Variants in ITK observed in about 807,000 individuals in gnomAD.
ITK encodes the protein tyrosine-protein kinase ITK/TSK.
A neutral mutation model predicts 87.6 loss-of-function variants in ITK; 45 were observed. The observed-to-expected ratio is 0.51, with a 90% CI of 0.40 to 0.66. The LOEUF (loss-of-function observed/expected upper bound fraction) is 0.66. Ranked by LOEUF, ITK falls within the 30% of genes least tolerant of loss-of-function variation. The pLI is 0.00. For synonymous variants in ITK, 303 were observed against 273.6 expected, an observed-to-expected ratio of 1.11 and a Z score of -1.06; for missense variants, 605 against 766.3, an observed-to-expected ratio of 0.79 and a Z score of 2.48.
intron 15 of ITK, among the ~76,000 whole-genome samples, 198 bp downstream of exon 15, chr5:157,246,197 C>T (rs1276760426): frequency 6.6e-6 from 1 of 152,144 alleles, no homozygotes; most frequent in African/African-American, 2.4e-5. Flanking sequence ...AGATACTGGA[C>T]ATGGTGGTGG....
chr5:157,196,457 C>T (rs914563806), intron 1 of ITK, among the ~76,000 whole-genome samples: 1 of 152,018 alleles, frequency 6.6e-6, no homozygotes, highest in Admixed American at 6.6e-5. Context: ...AAATATATTC[C>T]TTTTGTTCAT....
chr5:157,247,136 G>T (rs983853641), intron 15 of ITK, among the ~76,000 whole-genome samples: 1 of 152,190 alleles, frequency 6.6e-6, no homozygotes, highest in African/African-American at 2.4e-5. Flanking sequence ...TAGAAACCAG[G>T]GGGGAGTTTG....
intron 5 of ITK, among the ~76,000 whole-genome samples, chr5:157,218,275 T>A (rs1754340012): frequency 6.6e-6 from 1 of 152,044 alleles, no homozygotes; most frequent in African/African-American, 2.4e-5. Flanking sequence ...GAGGCCAAAG[T>A]GGGAGGATCG....
Position 157,181,006 on chromosome 5 carries a change from A to C in ITK, c.29A>C (p.Gln10Pro). The change falls in exon 1 of 17, where the codon CAG becomes CCG. Residue 10 changes from glutamine to proline, a missense_variant. Gln to Pro is a moderately conservative substitution (Grantham distance 76, BLOSUM62 -1). Coordinates refer to ENST00000422843, the MANE Select transcript of ITK (RefSeq NM_005546.4). Reference sequence around the variant, plus strand: ...AACAACTTTATCCTCCTGGAAGAACAGCTCATCAAGAAATCCCAACAAAAG... The same window carrying C: ...AACAACTTTATCCTCCTGGAAGAACCGCTCATCAAGAAATCCCAACAAAAG... MNNFILLEE[Q>P]LIKKSQQKRR... 6.2e-7 allele frequency: 1 copy of C among 1,613,976 alleles called. No individual in the cohort carries two copies. Among genetic ancestry groups the C allele is most frequent in the African/African-American group, 1.3e-5 (1 of 75,040 alleles).
At position 157,238,062 on chromosome 5, in the gene ITK, C is replaced by T. The variant is rs761415992; in HGVS notation, c.769-47C>T. ...AGAAAGTGGAGCTGGAGGCATAAGC[C>T]TGGTTTCCTGAGATCACTAACTTTC... On this transcript the variant is annotated intron_variant, in intron 8 of 16. Transcript: ENST00000422843. 4.2e-6 allele frequency: 6 copies of T among 1,444,482 alleles called. No homozygotes were observed. In the Admixed American group the frequency reaches 1.0e-4, roughly 24 times the overall value. The allele number at this position is 1,444,482 out of a possible 1,614,324, so 89.5% of individuals were successfully genotyped here.
At chr5:157,214,755 C>T (rs1434884417) in intron 4 of ITK, among the ~76,000 whole-genome samples, 1 of 152,134 alleles carries the variant, frequency 6.6e-6, no homozygotes, top group Non-Finnish European at 1.5e-5. Context: ...ATATTTATGT[C>T]TTACAGTGAC....
At chr5:157,234,244 A>T (rs1483154977) in intron 8 of ITK, among the ~76,000 whole-genome samples, 1 of 151,808 alleles carries the variant, frequency 6.6e-6, no homozygotes, top group African/African-American at 2.4e-5. Context: ...GGCCTCCCAG[A>T]GTGCTGGGAT....
Position 157,238,330 on chromosome 5 carries a change from G to A in ITK, c.851+139G>A, listed in dbSNP as rs1030045561. ...GGTCTGTTTTCCCTCTTTACTCCGA[G>A]AAAACCAAAGCCATGGAGATCAAGG... On this transcript the variant is annotated intron_variant, in intron 9 of 16. Coordinates refer to ENST00000422843, the MANE Select transcript of ITK (RefSeq NM_005546.4). 4.1e-6 allele frequency: 3 copies of A among 723,224 alleles called. No homozygotes were observed. The African/African-American group carries it at 5.2e-5, about 13-fold the overall frequency. 44.8% of individuals were successfully genotyped at this position (723,224 alleles called of 1,614,324 possible).
intron 10 of ITK, chr5:157,240,941 CT>C (rs35181977): frequency 0.22 from 31,144 of 138,904 alleles, 3,696 homozygotes; most frequent in African/African-American, 0.36. Context: ...TCTTTTCTTT[CT>C]TTTTTTTTTT....
intron 3 of ITK, among the ~76,000 whole-genome samples, chr5:157,212,810 G>A (rs1046109678): frequency 5.3e-5 from 8 of 151,656 alleles, no homozygotes; most frequent in Middle Eastern, 3.4e-3. Flanking sequence ...CAAGTGAGCC[G>A]AGCCTGGGTC....
intron 6 of ITK, among the ~76,000 whole-genome samples, chr5:157,224,696 G>A (rs1019318464): frequency 2.6e-5 from 4 of 152,002 alleles, no homozygotes; most frequent in African/African-American, 4.8e-5. Flanking sequence ...CAGGAGAATC[G>A]CTTGAACCTG....
intron 1 of ITK, among the ~76,000 whole-genome samples, chr5:157,189,517 T>C (rs1753710364): frequency 6.6e-6 from 1 of 152,110 alleles, no homozygotes; most frequent in South Asian, 2.1e-4. Context: ...CTATCTCTAC[T>C]AAAAATACAA....
chr5:157,244,500 AC>A, intron 13 of ITK, 22 bp downstream of exon 13: 1 of 1,364,846 alleles, frequency 7.3e-7, no homozygotes, highest in Non-Finnish European at 1.0e-6. Flanking sequence ...CAGGGTGAAC[AC>A]CCACAGGTCC....
chr5:157,182,610 A>T (rs1490799551), intron 1 of ITK, among the ~76,000 whole-genome samples: 1 of 152,110 alleles, frequency 6.6e-6, no homozygotes, highest in Non-Finnish European at 1.5e-5. Flanking sequence ...AACTTGGGGG[A>T]TTTATCATGT....
intron 16 of ITK, among the ~76,000 whole-genome samples, chr5:157,250,446 T>C (rs181626819): frequency 4.1e-4 from 63 of 152,172 alleles, no homozygotes; most frequent in Middle Eastern, 3.4e-3. Flanking sequence ...TATATCATAG[T>C]TTATTTATTT....
At chr5:157,228,485 T>TA (rs1754582024) in intron 7 of ITK, 124 bp downstream of exon 7, 5 of 698,698 alleles carry the variant, frequency 7.2e-6, no homozygotes, top group Non-Finnish European at 1.3e-5. Flanking sequence ...TGTTCACACA[T>TA]ACCATCCAGC....
intron 1 of ITK, among the ~76,000 whole-genome samples, chr5:157,184,194 A>G (rs1369118543): frequency 6.6e-6 from 1 of 152,192 alleles, no homozygotes; most frequent in African/African-American, 2.4e-5. Flanking sequence ...ACAGAGGACA[A>G]TGAGAGATAA....
intron 1 of ITK, chr5:157,195,029 G>A (rs1753825379): frequency 6.6e-6 from 1 of 152,156 alleles, no homozygotes; most frequent in South Asian, 2.1e-4. Context: ...CAGAGTCCAG[G>A]GCACTTGAAG....
intron 13 of ITK, chr5:157,245,303 C>A: frequency 3.3e-6 from 1 of 304,844 alleles, no homozygotes; most frequent in South Asian, 3.1e-5. Flanking sequence ...GTCTATAATA[C>A]TAATTAGGGG....
Sources: allele counts gnomAD v4.1 joint callset (sites outside exome capture counted in the v4.1 genomes callset), GRCh38; gene constraint gnomAD v4.1.1; transcripts MANE v1.5; gene names NCBI Gene and HGNC (gene_info 2026-07-23, HGNC 2026-07-21).